MBNL1: variants seen among roughly 807,000 people sequenced by gnomAD.
MBNL1 encodes the protein muscleblind-like protein 1.
A neutral mutation model predicts 42.2 loss-of-function variants in MBNL1; 8 were observed. The observed-to-expected ratio is 0.19, with a 90% CI of 0.11 to 0.34. The LOEUF is 0.34. Ranked by LOEUF, MBNL1 falls within the 10% of genes least tolerant of loss-of-function variation. The pLI, the probability that MBNL1 is intolerant of heterozygous loss-of-function variation, is 1.00. For synonymous variants in MBNL1, 169 were observed against 173.9 expected, an observed-to-expected ratio of 0.97 and a Z score of 0.22; for missense variants, 309 against 495.3, an observed-to-expected ratio of 0.62 and a Z score of 3.57.
At chr3:152,335,012 T>C in intron 2 of MBNL1, 8 of 1,109,130 alleles carry the variant, frequency 7.2e-6, no homozygotes, top group South Asian at 6.1e-5. Context: ...GAGATGGGTC[T>C]AAATGGTCTG....
At chr3:152,266,322 G>C (rs1482299239), upstream of MBNL1, 1 of 150,248 alleles carries the variant, frequency 6.7e-6, no homozygotes, top group Non-Finnish European at 1.5e-5. Flanking sequence ...TTCTGTCATG[G>C]AGTAAAAAAC....
chr3:152,363,459 G>A (rs750339546), intron 2 of MBNL1, among the ~76,000 whole-genome samples: 2 of 152,182 alleles, frequency 1.3e-5, no homozygotes, highest in Non-Finnish European at 2.9e-5. Flanking sequence ...TATTATAGAA[G>A]AGCAGTTCAT....
intron 4 of MBNL1, among the ~76,000 whole-genome samples, chr3:152,435,762 C>G (rs1332350141): frequency 2.0e-5 from 3 of 152,128 alleles, no homozygotes; most frequent in Non-Finnish European, 2.9e-5. Flanking sequence ...TTTCACCTCC[C>G]TGCTTAACTG....
intron 2 of MBNL1, chr3:152,300,891 C>T (rs922564282): frequency 9.4e-5 from 91 of 968,460 alleles, no homozygotes; most frequent in Non-Finnish European, 1.1e-4. Flanking sequence ...GCCAGAGCCA[C>T]GCATTTTATG....
intron 2 of MBNL1, among the ~76,000 whole-genome samples, chr3:152,379,691 ATAT>A (rs1248260575): frequency 2.0e-5 from 3 of 152,166 alleles, no homozygotes; most frequent in Non-Finnish European, 2.9e-5. Flanking sequence ...ATTGCTGCAA[ATAT>A]TGTTGTAGAA....
chr3:152,314,057 T>G (rs2068794580), intron 2 of MBNL1, among the ~76,000 whole-genome samples: 1 of 152,242 alleles, frequency 6.6e-6, no homozygotes, highest in Non-Finnish European at 1.5e-5. Context: ...GTATTATTTA[T>G]GTAAATTTTC....
In MBNL1 at chr3:152,269,075, G is replaced by GA. The variant is rs762229969; in HGVS notation, c.-798dup. 3.2e-4 allele frequency: 141 copies of GA among 434,224 alleles called. No homozygotes were observed. The highest frequency in any genetic ancestry group is 5.6e-4 in the Admixed American group (21 of 37,786). The allele number at this position is 434,224 out of a possible 1,614,324, so 26.9% of individuals were successfully genotyped here. On this transcript the variant is annotated 5_prime_UTR_variant, in exon 1 of 10. In the 5' UTR this introduces an upstream ATG that the reference lacks. Transcript: ENST00000324210. ...CTTGGTCGACAGTGGGGCCGCCTCT[G>GA]AAAAAAAAATGTGAGAGGTAAGTTT...
At chr3:152,276,833 A>T (rs886559319) in intron 1 of MBNL1, among the ~76,000 whole-genome samples, 2 of 152,192 alleles carry the variant, frequency 1.3e-5, no homozygotes, top group African/African-American at 4.8e-5. Context: ...TTATAGGGGT[A>T]GGACACATAT....
At chr3:152,446,845 C>CT (rs909037843) in intron 5 of MBNL1, 29 of 1,124,878 alleles carry the variant, frequency 2.6e-5, no homozygotes, top group Non-Finnish European at 3.7e-5. Context: ...AATATATATC[C>CT]TTTTTTCTGT....
chr3:152,330,299 A>G (rs1379440739), intron 2 of MBNL1, among the ~76,000 whole-genome samples: 2 of 152,200 alleles, frequency 1.3e-5, no homozygotes, highest in Admixed American at 1.3e-4. Context: ...TAAATAAAGT[A>G]GATAATTCTG....
chr3:152,281,389 G>A (rs1272427175), intron 1 of MBNL1, among the ~76,000 whole-genome samples: 6 of 152,064 alleles, frequency 3.9e-5, no homozygotes, highest in Non-Finnish European at 8.8e-5. Context: ...GTTAATTCTG[G>A]AAAGACTCAG....
At chr3:152,291,960 T>G (rs1471062677) in intron 1 of MBNL1, among the ~76,000 whole-genome samples, 1 of 152,100 alleles carries the variant, frequency 6.6e-6, no homozygotes, top group East Asian at 1.9e-4. Context: ...TTTTAAAAAT[T>G]TGTTTTCTGT....
intron 2 of MBNL1, among the ~76,000 whole-genome samples, chr3:152,308,439 T>G (rs2064434855): frequency 6.6e-6 from 1 of 152,150 alleles, no homozygotes; most frequent in Admixed American, 6.5e-5. Flanking sequence ...AGCTTTAACT[T>G]TGGGCTGCTT....
intron 1 of MBNL1, among the ~76,000 whole-genome samples, chr3:152,285,399 A>G (rs2050991173): frequency 6.6e-6 from 1 of 152,216 alleles, no homozygotes; most frequent in Non-Finnish European, 1.5e-5. Context: ...TTAATGGGTC[A>G]GTCACTTAAC....
intron 2 of MBNL1, among the ~76,000 whole-genome samples, chr3:152,322,046 A>T (rs1295704160): frequency 8.6e-6 from 1 of 116,370 alleles, no homozygotes; most frequent in East Asian, 2.6e-4. Flanking sequence ...TAGATATTTT[A>T]AAAAATAATG....
intron 2 of MBNL1, among the ~76,000 whole-genome samples, chr3:152,364,370 T>A (rs2096222542): frequency 6.6e-6 from 1 of 152,086 alleles, no homozygotes; most frequent in South Asian, 2.1e-4. Context: ...CCCTTTGTAC[T>A]TGCTAGTAAA....
chr3:152,318,278 A>C (rs1018054185), intron 2 of MBNL1, among the ~76,000 whole-genome samples: 2 of 152,334 alleles, frequency 1.3e-5, no homozygotes, highest in African/African-American at 4.8e-5. Flanking sequence ...AAGCATTTTG[A>C]AAGTGGTTTG....
intron 2 of MBNL1, among the ~76,000 whole-genome samples, chr3:152,320,678 T>G (rs2075900069): frequency 7.1e-6 from 1 of 140,376 alleles, no homozygotes; most frequent in Non-Finnish European, 1.6e-5. Flanking sequence ...ATCAGTTTTT[T>G]CTTTCTTTTT....
chr3:152,270,138 G>C (rs2217083), intron 1 of MBNL1, among the ~76,000 whole-genome samples: 65,725 of 151,548 alleles, frequency 0.43, 14,514 homozygotes, highest in East Asian at 0.58. Context: ...TGGGATTCTG[G>C]GGTGTATTTC....
Sources: gnomAD v4.1 joint callset for allele counts (sites outside exome capture counted in the v4.1 genomes callset) on GRCh38, gnomAD v4.1.1 for gene constraint, MANE v1.5 for transcripts, NCBI Gene and HGNC (gene_info 2026-07-23, HGNC 2026-07-21) for gene names.